Variants in SGCD observed in about 807,000 individuals in gnomAD.
SGCD encodes the protein sarcoglycan delta.
Under a neutral mutation model 36.6 loss-of-function variants are expected in SGCD, and 18 were observed. The ratio of observed to expected loss-of-function variants is 0.49; its 90% CI spans 0.34 to 0.73. SGCD has a LOEUF of 0.73. Among genes scored for constraint, SGCD ranks in the 30% least tolerant of loss-of-function variants. The pLI, the probability that SGCD is intolerant of heterozygous loss-of-function variation, is 0.01. For synonymous variants in SGCD, 133 were observed against 130.6 expected (o/e 1.02, Z -0.12); for missense variants, 387 against 346.7 (o/e 1.12, Z -0.92).
intron 3 of SGCD, among the ~76,000 whole-genome samples, chr5:156,500,094 G>T (rs910998521): frequency 6.6e-6 from 1 of 151,972 alleles, no homozygotes; most frequent in East Asian, 1.9e-4. Context: ...TTTTGTATGC[G>T]TCCAACCCCC....
rs768780583 is a variant in SGCD at position 155,927,103 on chromosome 5, A to G, written c.-282+56679A>G. ...GGTGAGAGTACTTGATTTCAAACAT[A>G]TAAGTGCTTTGTCTTTATATTTCTG... On this transcript the variant is annotated intron_variant, in intron 1 of 9. Transcript: ENST00000517913. Among the ~76,000 whole-genome samples, 48 of 152,208 alleles carry G rather than the reference A, an allele frequency of 3.2e-4. 1 individual carries two copies. The highest frequency in any genetic ancestry group is 6.5e-4 in the Non-Finnish European group (44 of 68,034).
chr5:156,541,043 C>T (rs1453369000), intron 4 of SGCD, among the ~76,000 whole-genome samples: 1 of 152,132 alleles, frequency 6.6e-6, no homozygotes, highest in Non-Finnish European at 1.5e-5. Flanking sequence ...AAAGGTATCT[C>T]TGAGACCCAC....
chr5:156,027,474 A>T (rs1444490704), intron 1 of SGCD, among the ~76,000 whole-genome samples: 2 of 152,350 alleles, frequency 1.3e-5, no homozygotes, highest in East Asian at 3.9e-4. Context: ...TCTGACACTG[A>T]TTCCAATTTT....
chr5:155,969,665 C>T lies in SGCD; in HGVS notation c.-282+99241C>T, dbSNP rs1401818572. 4.6e-5 allele frequency among the ~76,000 whole-genome samples: 7 copies of T among 152,228 alleles called. No individual in the cohort carries two copies. The East Asian group carries it at 1.4e-3, about 29-fold the overall frequency. On this transcript the variant is annotated intron_variant, in intron 1 of 9. Coordinates refer to the SGCD transcript ENST00000517913. ...TAGGTAGCTTTGAGACCTGCAATAGCTCACTGTTTCTAAGCTTCTTTAGAA... is the reference window on the plus strand; with the variant it reads ...TAGGTAGCTTTGAGACCTGCAATAGTTCACTGTTTCTAAGCTTCTTTAGAA...
chr5:156,197,795 T>C (rs1764056034), intron 3 of SGCD, among the ~76,000 whole-genome samples: 1 of 152,152 alleles, frequency 6.6e-6, no homozygotes, highest in Non-Finnish European at 1.5e-5. Flanking sequence ...TTTCCTATTG[T>C]CAATTAAAAA....
intron 1 of SGCD, among the ~76,000 whole-genome samples, chr5:156,075,054 T>G (rs368180926): frequency 9.7e-4 from 148 of 152,342 alleles, no homozygotes; most frequent in African/African-American, 3.5e-3. Flanking sequence ...CTTGAGAAAT[T>G]ATATTTTTCA....
intron 1 of SGCD, among the ~76,000 whole-genome samples, chr5:156,017,811 A>G (rs1759016828): frequency 6.6e-6 from 1 of 152,062 alleles, no homozygotes; most frequent in Non-Finnish European, 1.5e-5. Context: ...CTTTTATTGT[A>G]TTACATTTAA....
chr5:156,464,365 C>T (rs1754631821), intron 3 of SGCD, among the ~76,000 whole-genome samples: 1 of 151,932 alleles, frequency 6.6e-6, no homozygotes, highest in African/African-American at 2.4e-5. Context: ...GGATTACAGG[C>T]ATGTACCACC....
rs983103535 is a variant in SGCD, at chr5:156,734,469, C to A, written c.576-23112C>A. On this transcript the variant is annotated intron_variant, in intron 7 of 8. Transcript: ENST00000337851. The stretch of plus-strand genomic sequence containing the variant: ...AGTTCTCATGGATGATATCCTGGAA[C>A]ATGTTTTCTAAATTGGCTCCATTCT... Among the ~76,000 whole-genome samples the A allele has an allele frequency of 2.6e-5, 4 of 152,188 alleles. No homozygotes were observed. The East Asian group carries it at 7.7e-4, about 29-fold the overall frequency.
intron 1 of SGCD, among the ~76,000 whole-genome samples, chr5:155,977,225 C>T (rs1253835782): frequency 6.6e-6 from 1 of 152,154 alleles, no homozygotes; most frequent in East Asian, 1.9e-4. Context: ...TTGATTCCTG[C>T]CGCCCATTTA....
rs541723789 is a variant in SGCD at position 156,073,384 on chromosome 5, C to T, written c.-281-44494C>T. On this transcript the variant is annotated intron_variant, in intron 1 of 9. Transcript: ENST00000517913. ...ACCAGCCTGGGCAACATAGTGAGACCTTGCCTCTACAAAAATTGGCCAAAA... is the reference window on the plus strand; with the variant it reads ...ACCAGCCTGGGCAACATAGTGAGACTTTGCCTCTACAAAAATTGGCCAAAA... Among the ~76,000 whole-genome samples, 6 of 152,212 alleles carry T rather than the reference C, an allele frequency of 3.9e-5. No individual in the cohort carries two copies. The South Asian group carries it at 1.2e-3, about 32-fold the overall frequency.
chr5:156,605,648 A>G (rs561346329), intron 6 of SGCD, among the ~76,000 whole-genome samples: 1 of 152,342 alleles, frequency 6.6e-6, no homozygotes, highest in South Asian at 2.1e-4. Flanking sequence ...TGGTTGAACT[A>G]GTTTACAGTC....
chr5:156,680,860 TC>T (rs1753692710), intron 7 of SGCD, among the ~76,000 whole-genome samples: 1 of 152,184 alleles, frequency 6.6e-6, no homozygotes, highest in Admixed American at 6.5e-5. Context: ...CAGGATAGTT[TC>T]CTTGACCCCC....
chr5:156,232,401 A>G (rs2127651947), intron 3 of SGCD, among the ~76,000 whole-genome samples: 2 of 152,238 alleles, frequency 1.3e-5, no homozygotes, highest in South Asian at 4.1e-4. Context: ...TTGAGGCAAA[A>G]AACCCATCTG....
At chr5:156,003,796 G>GC (rs1180733959) in intron 1 of SGCD, among the ~76,000 whole-genome samples, 1 of 152,042 alleles carries the variant, frequency 6.6e-6, no homozygotes, top group African/African-American at 2.4e-5. Flanking sequence ...GATCCTCAGG[G>GC]CCCCCATAGA....
chr5:156,696,133 T>C (rs2113717514), intron 7 of SGCD, among the ~76,000 whole-genome samples: 1 of 152,320 alleles, frequency 6.6e-6, no homozygotes, highest in African/African-American at 2.4e-5. Flanking sequence ...ATTCGGGAAT[T>C]ATCTCCCTAG....
intron 7 of SGCD, among the ~76,000 whole-genome samples, chr5:156,749,257 G>A (rs919683962): frequency 1.3e-5 from 2 of 151,970 alleles, no homozygotes; most frequent in Admixed American, 6.6e-5. Context: ...ACTAAAATTA[G>A]AAAATATTTA....
rs892995581 is a variant in SGCD at position 155,906,959 on chromosome 5, G to T, written c.-282+36535G>T. Among the ~76,000 whole-genome samples the T allele has an allele frequency of 4.6e-5, 7 of 152,140 alleles. No homozygotes were observed. The South Asian group carries it at 1.5e-3, about 32-fold the overall frequency. On this transcript the variant is annotated intron_variant, in intron 1 of 9. Transcript: ENST00000517913. Reference sequence around the variant, plus strand: ...GTAATATAGTACTTTCATAGCTAGAGAGAAGAAATAAATGCCTGGTTTTAA... The same window carrying T: ...GTAATATAGTACTTTCATAGCTAGATAGAAGAAATAAATGCCTGGTTTTAA...
rs190836661 is a variant in SGCD, at chr5:156,072,737, G to C, written c.-281-45141G>C. 3.0e-4 allele frequency among the ~76,000 whole-genome samples: 45 copies of C among 152,242 alleles called. No homozygotes were observed. In the East Asian group the frequency reaches 8.1e-3, roughly 27 times the overall value. Reference sequence around the variant, plus strand: ...GTCCTGCAGAGTGTTTTCCAACTTGGTTCCATTCTCCCCATCACTTTCAGG... The same window carrying C: ...GTCCTGCAGAGTGTTTTCCAACTTGCTTCCATTCTCCCCATCACTTTCAGG... On this transcript the variant is annotated intron_variant, in intron 1 of 9. Coordinates refer to the SGCD transcript ENST00000517913.
Sources: allele counts gnomAD v4.1 joint callset (sites outside exome capture counted in the v4.1 genomes callset), GRCh38; gene constraint gnomAD v4.1.1; transcripts MANE v1.5; gene names NCBI Gene and HGNC (gene_info 2026-07-23, HGNC 2026-07-21).